ESF1: variants seen among roughly 807,000 people sequenced by gnomAD.
ESF1 encodes the protein ESF1 nucleolar pre-rRNA processing protein, also known as ESF1 homolog.
A neutral mutation model predicts 92.0 loss-of-function variants in ESF1; 58 were observed. The ratio of observed to expected loss-of-function variants is 0.63; its 90% confidence interval spans 0.51 to 0.78. The LOEUF (loss-of-function observed/expected upper bound fraction) is 0.78. Ranked by LOEUF, ESF1 falls within the 30% of genes least tolerant of loss-of-function variation. ESF1 has a pLI of 0.00. For synonymous variants in ESF1, 321 were observed against 313.7 expected, an observed-to-expected ratio of 1.02 and a Z score of -0.24; for missense variants, 922 against 989.1, an observed-to-expected ratio of 0.93 and a Z score of 0.91.
At chr20:13,782,409 T>C (rs1980231204) in intron 2 of ESF1, 95 bp downstream of exon 2, 5 of 1,070,420 alleles carry the variant, frequency 4.7e-6, no homozygotes, top group Non-Finnish European at 6.4e-6. Context: ...TCCATAATAC[T>C]ATGAAAATAC....
At position 13,714,721 on chromosome 20, in the gene ESF1, A is replaced by G; in HGVS notation, c.*153T>C. ...ATTTGTCAGTCATCCACAATTAAGT[A>G]CAATTATTTATGGAGAAAAATTTTA... On this transcript the variant is annotated 3_prime_UTR_variant, in exon 14 of 14. Coordinates refer to ENST00000617257, the MANE Select transcript of ESF1 (RefSeq NM_001276380.2). The G allele has an allele frequency of 1.4e-6, 1 of 690,944 alleles. No individual in the cohort carries two copies. The highest frequency in any genetic ancestry group is 2.3e-6 in the Non-Finnish European group (1 of 433,884). The allele number at this position is 690,944 out of a possible 1,614,324, so 42.8% of individuals were successfully genotyped here. A position where few individuals can be genotyped will look rare whatever the true frequency, so the allele number is the denominator to read the frequency against.
chr20:13,757,670 T>C (rs985568755), intron 9 of ESF1, among the ~76,000 whole-genome samples: 10 of 152,278 alleles, frequency 6.6e-5, no homozygotes, highest in Admixed American at 3.9e-4. Context: ...TCTGAAAGTG[T>C]TGGGATTACA....
intron 9 of ESF1, 119 bp from the exon 10 acceptor site, chr20:13,733,961 A>C (rs1387434244): frequency 8.3e-7 from 1 of 1,209,094 alleles, no homozygotes; most frequent in African/African-American, 1.5e-5. Flanking sequence ...CAAAGATAAC[A>C]TGCAATGGTA....
At chr20:13,773,058 G>C (rs1025697913) in intron 4 of ESF1, among the ~76,000 whole-genome samples, 3 of 152,154 alleles carry the variant, frequency 2.0e-5, no homozygotes, top group African/African-American at 7.2e-5. Context: ...CATTTATCCA[G>C]TGCTTTCTTT....
intron 6 of ESF1, among the ~76,000 whole-genome samples, chr20:13,770,613 G>C (rs1258463062): frequency 6.6e-6 from 1 of 152,206 alleles, no homozygotes; most frequent in Non-Finnish European, 1.5e-5. Context: ...CTCCCAAAGT[G>C]CTGGGATTAT....
chr20:13,724,412 C>T (rs749826850), intron 11 of ESF1, among the ~76,000 whole-genome samples: 129 of 152,364 alleles, frequency 8.5e-4, no homozygotes, highest in Middle Eastern at 3.4e-3. Flanking sequence ...GGAAGGCACA[C>T]AAAAAACTTC....
chr20:13,754,748 T>A (rs1009492240), intron 9 of ESF1, among the ~76,000 whole-genome samples: 2 of 152,302 alleles, frequency 1.3e-5, no homozygotes, highest in Non-Finnish European at 2.9e-5. Flanking sequence ...AAAGTCAGAT[T>A]TGACTGCTCC....
chr20:13,743,841 T>C (rs2050030938), intron 9 of ESF1, among the ~76,000 whole-genome samples: 1 of 152,208 alleles, frequency 6.6e-6, no homozygotes, highest in Non-Finnish European at 1.5e-5. Flanking sequence ...GTAGTAATCA[T>C]TACACAATGA....
chr20:13,767,021 T>C (rs1035404389), intron 7 of ESF1, 97 bp from the exon 8 acceptor site: 36 of 1,198,530 alleles, frequency 3.0e-5, no homozygotes, highest in Non-Finnish European at 3.6e-5. Flanking sequence ...TGTTTAACAG[T>C]AAGTTAAAAG....
chr20:13,746,823 A>C (rs1006669962), intron 9 of ESF1, among the ~76,000 whole-genome samples: 2 of 152,234 alleles, frequency 1.3e-5, no homozygotes, highest in African/African-American at 4.8e-5. Context: ...TCACAACTAA[A>C]TTCAAACTTG....
chr20:13,759,184 T>C (rs1979041088), intron 9 of ESF1, among the ~76,000 whole-genome samples: 1 of 152,244 alleles, frequency 6.6e-6, no homozygotes, highest in South Asian at 2.1e-4. Flanking sequence ...CCAGCTTTTA[T>C]CTTTGTTTAG....
At chr20:13,772,180 C>A (rs1979718779) in intron 5 of ESF1, among the ~76,000 whole-genome samples, 1 of 150,930 alleles carries the variant, frequency 6.6e-6, no homozygotes. Context: ...GCAAACAGAG[C>A]TTCAATGATG....
At chr20:13,769,864 A>T (rs1979602113) in intron 7 of ESF1, 43 bp downstream of exon 7, 1 of 1,209,548 alleles carries the variant, frequency 8.3e-7, no homozygotes. Flanking sequence ...CTCTTCATAA[A>T]GCAATAGAGT....
chr20:13,781,143 T>C lies in ESF1; in HGVS notation c.637+1361A>G, dbSNP rs989696231. Among the ~76,000 whole-genome samples, 4 of 152,206 alleles carry C rather than the reference T, an allele frequency of 2.6e-5. No individual in the cohort carries two copies. The East Asian group carries it at 5.8e-4, about 22-fold the overall frequency. On this transcript the variant is annotated intron_variant, in intron 2 of 13. Coordinates refer to ENST00000617257, the MANE Select transcript of ESF1 (RefSeq NM_001276380.2). ...AAACATCTTTTACGGCACTTACTAT[T>C]ATTGCATTTTGTATTATGGTTCTGA...
At chr20:13,753,421 TATC>T (rs1978731475) in intron 9 of ESF1, among the ~76,000 whole-genome samples, 1 of 149,782 alleles carries the variant, frequency 6.7e-6, no homozygotes, top group Admixed American at 6.7e-5. Context: ...CCACTCTGAA[TATC>T]ATATTTTCAG....
At chr20:13,729,173 G>A (rs1296429256) in intron 10 of ESF1, among the ~76,000 whole-genome samples, 1 of 152,156 alleles carries the variant, frequency 6.6e-6, no homozygotes, top group Middle Eastern at 3.4e-3. Flanking sequence ...CAGGAGAATC[G>A]CTTGAACCCA....
chr20:13,737,563 A>C (rs1245728093), intron 9 of ESF1, among the ~76,000 whole-genome samples: 1 of 152,116 alleles, frequency 6.6e-6, no homozygotes, highest in Non-Finnish European at 1.5e-5. Context: ...TTTAAACCTG[A>C]CTCTGTAACA....
intron 9 of ESF1, among the ~76,000 whole-genome samples, chr20:13,752,003 A>T (rs1211775031): frequency 6.6e-6 from 1 of 152,096 alleles, no homozygotes; most frequent in Non-Finnish European, 1.5e-5. Flanking sequence ...ATAAATAAAT[A>T]AAATAAAATA....
At chr20:13,749,848 T>A (rs1467394327) in intron 9 of ESF1, among the ~76,000 whole-genome samples, 1 of 152,044 alleles carries the variant, frequency 6.6e-6, no homozygotes, top group South Asian at 2.1e-4. Flanking sequence ...ATTACAGGCA[T>A]GAGCCACCAT....
Sources: gnomAD v4.1 joint callset for allele counts (sites outside exome capture counted in the v4.1 genomes callset) on GRCh38, gnomAD v4.1.1 for gene constraint, MANE v1.5 for transcripts, NCBI Gene and HGNC (gene_info 2026-07-23, HGNC 2026-07-21) for gene names.